Variants in GTF3C2 observed in about 807,000 individuals in gnomAD.
GTF3C2 encodes the protein general transcription factor 3C polypeptide 2.
A neutral mutation model predicts 117.4 loss-of-function variants in GTF3C2; 17 were observed. The observed-to-expected ratio is 0.14, with a 90% CI of 0.10 to 0.22. The LOEUF is 0.22. Ranked by LOEUF, GTF3C2 falls within the 10% of genes least tolerant of loss-of-function variation. GTF3C2 has a pLI of 1.00. For synonymous variants in GTF3C2, 437 were observed against 427.0 expected (o/e 1.02, Z -0.29); for missense variants, 888 against 1,143.6 (o/e 0.78, Z 3.22).
At chr2:27,331,925 T>A (rs1208400428) in intron 12 of GTF3C2, among the ~76,000 whole-genome samples, 1 of 151,888 alleles carries the variant, frequency 6.6e-6, no homozygotes, top group Non-Finnish European at 1.5e-5. Context: ...GGTGACAGAG[T>A]GAGACCCTAT....
At position 27,341,958 on chromosome 2, in the gene GTF3C2, G is replaced by A; in HGVS notation, c.845C>T (p.Ser282Phe). Reference sequence around the variant, plus strand: ...GTCCATTGAGGTTACCCCTGAAGTAGATCCTCGTGGGGTGCTTCGGGGCAC... The same window carrying A: ...GTCCATTGAGGTTACCCCTGAAGTAAATCCTCGTGGGGTGCTTCGGGGCAC... The change falls in exon 4 of 19, where the codon TCT (serine) becomes TTT (phenylalanine). Residue 282 changes from serine (S) to phenylalanine (F), a missense_variant. Coordinates refer to ENST00000264720, the Ensembl canonical transcript of GTF3C2. 3 of 1,613,658 alleles carry A rather than the reference G, an allele frequency of 1.9e-6. No homozygotes were observed. The highest frequency in any genetic ancestry group is 2.5e-6 in the Non-Finnish European group (3 of 1,179,598).
At chr2:27,355,695 CCCCAG>C (rs1170258383) in intron 1 of GTF3C2, among the ~76,000 whole-genome samples, 1 of 152,128 alleles carries the variant, frequency 6.6e-6, no homozygotes, top group East Asian at 1.9e-4. Flanking sequence ...AGCTTGACCT[CCCCAG>C]CCAAGAAAAA....
At chr2:27,344,109 C>T (rs1204006646) in intron 1 of GTF3C2, among the ~76,000 whole-genome samples, 1 of 151,606 alleles carries the variant, frequency 6.6e-6, no homozygotes, top group Non-Finnish European at 1.5e-5. Flanking sequence ...ACTACAACCT[C>T]CACCTCCTGG....
At chr2:27,353,288 G>A (rs1039973587) in intron 1 of GTF3C2, among the ~76,000 whole-genome samples, 7 of 150,972 alleles carry the variant, frequency 4.6e-5, no homozygotes, top group Non-Finnish European at 1.0e-4. Context: ...AGCTACTCAG[G>A]AGGCTGAGGC....
intron 4 of GTF3C2, among the ~76,000 whole-genome samples, chr2:27,338,703 AT>A (rs1395489151): frequency 1.3e-5 from 2 of 150,152 alleles, no homozygotes; most frequent in Non-Finnish European, 3.0e-5. Context: ...CACCTGGCTA[AT>A]TTTTTTGTAT....
At chr2:27,338,456 GCGCGCACACACA>G (rs1680582376) in intron 4 of GTF3C2, among the ~76,000 whole-genome samples, 1 of 47,888 alleles carries the variant, frequency 2.1e-5, no homozygotes, top group African/African-American at 1.7e-4. Context: ...GCACGCGCAC[GCGCGCACACACA>G]CACACACACA....
At chr2:27,326,476 A>G (rs944023169) in exon 19 of GTF3C2, 10 of 599,142 alleles carry the variant, frequency 1.7e-5, no homozygotes, top group Non-Finnish European at 3.0e-5. Flanking sequence ...GTGGAGGGAG[A>G]GCCCCCCTGC....
At chr2:27,344,142 A>G (rs1402142782) in intron 1 of GTF3C2, among the ~76,000 whole-genome samples, 1 of 151,656 alleles carries the variant, frequency 6.6e-6, no homozygotes, top group African/African-American at 2.4e-5. Context: ...CTCCTGCCTC[A>G]GCCTCCTGAG....
intron 1 of GTF3C2, among the ~76,000 whole-genome samples, chr2:27,347,245 AT>A (rs1229842229): frequency 6.6e-6 from 1 of 152,188 alleles, no homozygotes; most frequent in African/African-American, 2.4e-5. Flanking sequence ...CCACAGATCT[AT>A]ATATACGCCT....
intron 3 of GTF3C2, 121 bp downstream of exon 3, chr2:27,342,705 T>C (rs1680777309): frequency 5.5e-6 from 4 of 731,432 alleles, no homozygotes; most frequent in Non-Finnish European, 7.0e-6. Flanking sequence ...CTCAAGTCCC[T>C]AGAATCCAGA....
exon 19 of GTF3C2, chr2:27,326,804 G>A (rs368948527): frequency 2.1e-5 from 34 of 1,613,406 alleles, no homozygotes; most frequent in Admixed American, 8.3e-5. Flanking sequence ...GTGGGGAGGC[G>A]AGTCCACGGA....
intron 1 of GTF3C2, among the ~76,000 whole-genome samples, chr2:27,348,505 C>T (rs541501180): frequency 9.9e-5 from 15 of 152,218 alleles, no homozygotes; most frequent in Admixed American, 5.9e-4. Flanking sequence ...TTAAACTCAT[C>T]CATTAAAAGA....
rs1411000867 is a variant in GTF3C2 at position 27,356,235 on chromosome 2, G to C, written c.-25+504C>G. The C allele has an allele frequency of 1.2e-5, 6 of 519,412 alleles. No individual in the cohort carries two copies. In the African/African-American group the frequency reaches 1.2e-4, roughly 10 times the overall value. 32.2% of individuals were successfully genotyped at this position (519,412 alleles called of 1,614,324 possible). The stretch of plus-strand genomic sequence containing the variant: ...CCTTGGTTACGCCAATGGCGTTGCA[G>C]CGCGCGGGGCACAACCCTCGGGGTT... On this transcript the variant is annotated intron_variant, in intron 1 of 18. Coordinates refer to ENST00000264720, the Ensembl canonical transcript of GTF3C2.
chr2:27,326,059 T>G, exon 19 of GTF3C2: 1 of 377,584 alleles, frequency 2.6e-6, no homozygotes, highest in Non-Finnish European at 5.3e-6. Flanking sequence ...TAGGGTCAGA[T>G]GACCAGTGAT....
intron 1 of GTF3C2, among the ~76,000 whole-genome samples, chr2:27,344,540 G>C (rs6743819): frequency 6.6e-6 from 1 of 151,874 alleles, no homozygotes; most frequent in East Asian, 1.9e-4. Context: ...AATTTGTCTA[G>C]CATGAATCTA....
chr2:27,336,269 T>C lies in GTF3C2; in HGVS notation c.1284A>G (p.Pro428=), dbSNP rs1447194460. ...CAGGACCCGAATGAAGCTGGCTCAG[T>C]GGGTGTGTCTCATTCATGTCAGGGC... Residue 428 remains proline, a synonymous_variant, in exon 8 of 19, where the codon CCA becomes CCG. Transcript: ENST00000264720. 5 of 1,613,876 alleles carry C rather than the reference T, an allele frequency of 3.1e-6. No homozygotes were observed. The Admixed American group carries it at 8.3e-5, about 27-fold the overall frequency.
rs137918516 is a variant in GTF3C2 at position 27,328,898 on chromosome 2, A to G, written c.2073T>C (p.Ala691=). 4.4e-5 allele frequency: 71 copies of G among 1,612,414 alleles called. No homozygotes were observed. The Middle Eastern group carries it at 1.8e-3, about 41-fold the overall frequency. Residue 691 remains alanine (A), a synonymous_variant, in exon 15 of 19, where the codon GCT becomes GCC. Transcript: ENST00000264720. ...AGTAGGCCTTGAAACCAAGGTAACCAGCGTCAATATAATGAATCCCACAGA... is the reference window on the plus strand; with the variant it reads ...AGTAGGCCTTGAAACCAAGGTAACCGGCGTCAATATAATGAATCCCACAGA...
At chr2:27,349,711 T>G (rs1681058287) in intron 1 of GTF3C2, among the ~76,000 whole-genome samples, 1 of 151,876 alleles carries the variant, frequency 6.6e-6, no homozygotes, top group African/African-American at 2.4e-5. Flanking sequence ...TGATCTCGGC[T>G]CACTGCAACC....
At chr2:27,336,395 G>A (rs553561937) in exon 8 of GTF3C2, 17 of 1,608,470 alleles carry the variant, frequency 1.1e-5, no homozygotes, top group Non-Finnish European at 1.4e-5. Flanking sequence ...ACACATCCCA[G>A]CGCTCTGGAT....
Sources: allele counts gnomAD v4.1 joint callset (sites outside exome capture counted in the v4.1 genomes callset), GRCh38; gene constraint gnomAD v4.1.1; transcripts MANE v1.5; gene names NCBI Gene and HGNC (gene_info 2026-07-23, HGNC 2026-07-21).